CCDC39: variants seen among roughly 807,000 people sequenced by gnomAD.
The protein encoded by CCDC39 is coiled-coil domain-containing protein 39.
Under a neutral mutation model 121.0 loss-of-function variants are expected in CCDC39, and 113 were observed. The observed-to-expected ratio is 0.93, with a 90% CI of 0.80 to 1.09. The LOEUF is 1.09. CCDC39 is among the 50% of genes least tolerant of loss of function. CCDC39 has a pLI of 0.00. For synonymous variants in CCDC39, 349 were observed against 352.2 expected (o/e 0.99, Z 0.10); for missense variants, 1,063 against 1,074.7 (o/e 0.99, Z 0.15).
chr3:180,620,904 A>G (rs1717415207), intron 14 of CCDC39, among the ~76,000 whole-genome samples: 1 of 152,006 alleles, frequency 6.6e-6, no homozygotes, highest in African/African-American at 2.4e-5. Context: ...CTCATTATCC[A>G]TGTCCCTCTG....
chr3:180,656,593 A>AT (rs1312832500), intron 6 of CCDC39, among the ~76,000 whole-genome samples: 1 of 152,186 alleles, frequency 6.6e-6, no homozygotes, highest in East Asian at 1.9e-4. Context: ...CAGCGTTAAC[A>AT]TAAGGCTGCG....
At position 180,644,232 on chromosome 3, in the gene CCDC39, G is replaced by T; in HGVS notation, c.1553C>A (p.Ala518Glu). Reference sequence around the variant, plus strand: ...TTTTTCATCACTGTTTTTACTATGTGCCTTCTTGATAAAATAAAGATCATT... The same window carrying T: ...TTTTTCATCACTGTTTTTACTATGTTCCTTCTTGATAAAATAAAGATCATT... ...LHNDLYFIKKAHSKNSDEKQS... is the reference protein window; with the variant it reads ...LHNDLYFIKKEHSKNSDEKQS... Residue 518 changes from alanine to glutamate, a missense_variant, in exon 12 of 20, where the codon GCA (alanine) becomes GAA (glutamate). By Grantham distance (107) the Ala-to-Glu change is moderately radical. Coordinates refer to ENST00000476379, the MANE Select transcript of CCDC39 (RefSeq NM_181426.2). 6.5e-7 allele frequency: 1 copy of T among 1,528,736 alleles called. No individual in the cohort carries two copies. The highest frequency in any genetic ancestry group is 1.4e-5 in the African/African-American group (1 of 72,078). The allele number at this position is 1,528,736 out of a possible 1,614,324, so 94.7% of individuals were successfully genotyped here.
At position 180,654,943 on chromosome 3, in the gene CCDC39, C is replaced by T. The variant is rs545754427; in HGVS notation, c.749G>A (p.Arg250Lys). The stretch of plus-strand genomic sequence containing the variant: ...TTTTTCTCTCGTTTCCTGCTTTATC[C>T]TTGCTAATTCCTAGGATTAAAACAA... ...DIDNCALELA[R>K]IKQETREKEN... is the part of the protein sequence containing the mutation. The change falls in exon 7 of 20, where the codon AGG (arginine) becomes AAG (lysine). Residue 250 changes from arginine to lysine, a missense_variant. Arg to Lys is a conservative substitution (Grantham distance 26). Transcript: ENST00000476379. The T allele has an allele frequency of 1.3e-5, 20 of 1,547,176 alleles. 1 individual carries two copies. In the East Asian group the frequency reaches 4.0e-4, roughly 31 times the overall value.
intron 11 of CCDC39, among the ~76,000 whole-genome samples, chr3:180,644,930 T>C (rs1718037184): frequency 1.3e-5 from 2 of 152,062 alleles, no homozygotes; most frequent in Non-Finnish European, 2.9e-5. Context: ...CATCACATGG[T>C]TTACCACTCC....
intron 6 of CCDC39, among the ~76,000 whole-genome samples, chr3:180,658,276 C>T (rs1275426057): frequency 7.1e-6 from 1 of 141,096 alleles, no homozygotes; most frequent in East Asian, 2.4e-4. Flanking sequence ...ATTAAAAGAA[C>T]CTCCTTAAAA....
At chr3:180,654,559 G>A (rs977105342) in intron 7 of CCDC39, among the ~76,000 whole-genome samples, 4 of 149,132 alleles carry the variant, frequency 2.7e-5, no homozygotes, top group South Asian at 2.1e-4. Context: ...TGTGAATGGC[G>A]CCCCGTGGTG....
intron 13 of CCDC39, among the ~76,000 whole-genome samples, chr3:180,639,553 C>T (rs1384324561): frequency 6.6e-6 from 1 of 151,962 alleles, no homozygotes; most frequent in Non-Finnish European, 1.5e-5. Flanking sequence ...GTTATGTTCT[C>T]GCTTATAAGC....
At position 180,628,758 on chromosome 3, in the gene CCDC39, G is replaced by A. The variant is rs565972064; in HGVS notation, c.1998+2711C>T. Among the ~76,000 whole-genome samples, 6 of 152,254 alleles carry A rather than the reference G, an allele frequency of 3.9e-5. No homozygotes were observed. The East Asian group carries it at 5.8e-4, about 15-fold the overall frequency. ...TACTTACTTACAAAACAAGTGGTGG[G>A]CAGCATTTGGCTGGAGTGCATAGTT... is the stretch of plus-strand genomic sequence containing the variant. On this transcript the variant is annotated intron_variant, in intron 14 of 19. Transcript: ENST00000476379.
intron 8 of CCDC39, among the ~76,000 whole-genome samples, chr3:180,651,856 T>A (rs1054043864): frequency 1.3e-4 from 20 of 152,160 alleles, no homozygotes; most frequent in South Asian, 1.0e-3. Flanking sequence ...GCTAACACGG[T>A]GAAACCCCGT....
At chr3:180,641,338 C>G (rs1453723308) in intron 13 of CCDC39, among the ~76,000 whole-genome samples, 1 of 151,940 alleles carries the variant, frequency 6.6e-6, no homozygotes, top group Non-Finnish European at 1.5e-5. Flanking sequence ...AATGCAAAAA[C>G]AATGAAAGCT....
At position 180,620,520 on chromosome 3, in the gene CCDC39, C is replaced by T. The variant is rs866366857; in HGVS notation, c.1999-550G>A. ...ATTATTTCCTCTAAGAGTGGACATACTCAGTGACTTTCTACCAGGGTAATG... is the reference window on the plus strand; with the variant it reads ...ATTATTTCCTCTAAGAGTGGACATATTCAGTGACTTTCTACCAGGGTAATG... On this transcript the variant is annotated intron_variant, in intron 14 of 19. Transcript: ENST00000476379. 5.3e-5 allele frequency among the ~76,000 whole-genome samples: 8 copies of T among 152,100 alleles called. No individual in the cohort carries two copies. The Middle Eastern group carries it at 0.014, about 259-fold the overall frequency.
chr3:180,679,321 C>T lies in CCDC39; in HGVS notation c.60G>A (p.Ala20=), dbSNP rs761755432. Residue 20 remains alanine (A), a synonymous_variant, in exon 1 of 20, where the codon GCG becomes GCA. Coordinates refer to ENST00000476379, the MANE Select transcript of CCDC39 (RefSeq NM_181426.2). This position sits in a 1 kb window ranked among gnomAD's most constrained non-coding sequence, Gnocchi z 4.0. ...HWEDGFAIPV[A]NEENKLLEDQ... ...CTTCCAGTAGCTTGTTCTCCTCGTT[C>T]GCCACCGGGATGGCGAACCCATCCT... is the stretch of plus-strand genomic sequence containing the variant. The T allele has an allele frequency of 6.2e-7, 1 of 1,613,930 alleles. No individual in the cohort carries two copies. Among genetic ancestry groups the T allele is most frequent in the South Asian group, 1.1e-5 (1 of 91,068 alleles).
At chr3:180,657,044 CTG>C in intron 6 of CCDC39, among the ~76,000 whole-genome samples, 1 of 152,272 alleles carries the variant, frequency 6.6e-6, no homozygotes, top group East Asian at 1.9e-4. Context: ...CACTTTTACT[CTG>C]TGGATTTGCC....
chr3:180,621,126 A>G (rs1334975466), intron 14 of CCDC39, among the ~76,000 whole-genome samples: 1 of 152,100 alleles, frequency 6.6e-6, no homozygotes, highest in Non-Finnish European at 1.5e-5. Flanking sequence ...ATAGTATTTC[A>G]TTGTGCATAT....
intron 14 of CCDC39, among the ~76,000 whole-genome samples, chr3:180,630,041 C>T (rs1717658499): frequency 1.3e-5 from 2 of 152,090 alleles, no homozygotes; most frequent in African/African-American, 2.4e-5. Flanking sequence ...CAATATTACC[C>T]TCTTCATTTT....
chr3:180,643,548 C>T (rs1035649340), intron 12 of CCDC39, among the ~76,000 whole-genome samples: 7 of 152,070 alleles, frequency 4.6e-5, no homozygotes, highest in African/African-American at 1.7e-4. Flanking sequence ...GATATCCAGC[C>T]TCAGTGGTAG....
chr3:180,658,440 C>G (rs556052624), intron 6 of CCDC39, among the ~76,000 whole-genome samples: 3 of 151,270 alleles, frequency 2.0e-5, no homozygotes, highest in Non-Finnish European at 2.9e-5. Context: ...TACTAAAAAT[C>G]CAAAAAAATT....
chr3:180,657,947 T>C (rs75816115), intron 6 of CCDC39, among the ~76,000 whole-genome samples: 2 of 152,212 alleles, frequency 1.3e-5, no homozygotes, highest in Non-Finnish European at 2.9e-5. Context: ...AGTTAAGAAA[T>C]ATTAATAGCA....
intron 1 of CCDC39, among the ~76,000 whole-genome samples, chr3:180,670,639 C>CTTTTTTTTTTTTTTTTTTTTTTTTTTTCT (rs573623299): frequency 1.7e-5 from 2 of 120,430 alleles, no homozygotes; most frequent in East Asian, 2.4e-4. Context: ...TTTTTTTTCT[C>CTTTTTTTTTTTTTTTTTTTTTTTTTTTCT]TTTTTTTTTT....
Sources: allele counts gnomAD v4.1 joint callset (sites outside exome capture counted in the v4.1 genomes callset), GRCh38; gene constraint gnomAD v4.1.1; non-coding constraint Gnocchi (gnomAD v3.1); transcripts MANE v1.5; gene names NCBI Gene and HGNC (gene_info 2026-07-23, HGNC 2026-07-21).